The following MTR variants were observed in gnomAD, a reference collection of about 807,000 sequenced individuals.
The protein encoded by MTR is 5-methyltetrahydrofolate-homocysteine methyltransferase.
A neutral mutation model predicts 154.8 loss-of-function variants in MTR; 84 were observed. That is an observed-to-expected ratio of 0.54 (90% confidence interval 0.45 to 0.65). The LOEUF is 0.65. Ranked by LOEUF, MTR falls within the 30% of genes least tolerant of loss-of-function variation. MTR has a pLI of 0.00. For missense variants in MTR, 1,275 were observed against 1,570.2 expected (o/e 0.81, Z 3.18); for synonymous variants, 554 against 553.9 (o/e 1.00, Z 0.00).
At chr1:236,872,483 C>T (rs1056363017) in intron 22 of MTR, among the ~76,000 whole-genome samples, 8 of 152,276 alleles carry the variant, frequency 5.3e-5, no homozygotes, top group African/African-American at 1.9e-4. Context: ...CTTCCAAGTT[C>T]AACAGGTGTT....
At chr1:236,861,075 T>A (rs746025961) in intron 19 of MTR, 50 bp from the exon 20 acceptor site, 1 of 1,487,474 alleles carries the variant, frequency 6.7e-7, no homozygotes, top group South Asian at 1.3e-5. Context: ...TTAGGTGATT[T>A]TTTTTTTCTT....
intron 1 of MTR, among the ~76,000 whole-genome samples, chr1:236,796,104 T>C (rs979594521): frequency 3.3e-5 from 5 of 152,218 alleles, no homozygotes; most frequent in East Asian, 1.9e-4. Flanking sequence ...TTCGTAAATA[T>C]GTATTGCGCA....
At chr1:236,873,674 A>G in intron 22 of MTR, 99 bp from the exon 23 acceptor site, 1 of 972,988 alleles carries the variant, frequency 1.0e-6, no homozygotes, top group Non-Finnish European at 1.7e-6. Flanking sequence ...TCTCGTTTAC[A>G]TTAGAGCAGT....
intron 1 of MTR, among the ~76,000 whole-genome samples, chr1:236,798,033 G>A (rs191101528): frequency 6.6e-6 from 1 of 151,958 alleles, no homozygotes; most frequent in Admixed American, 6.6e-5. Flanking sequence ...AGAAATTAGA[G>A]ATCCAAAAAT....
intron 15 of MTR, among the ~76,000 whole-genome samples, chr1:236,845,958 A>G (rs570529533): frequency 9.9e-5 from 15 of 152,254 alleles, no homozygotes; most frequent in African/African-American, 2.9e-4. Flanking sequence ...ACTCCCTCAA[A>G]TGGGAAACTA....
intron 8 of MTR, among the ~76,000 whole-genome samples, chr1:236,820,702 CTG>C (rs536966411): frequency 1.4e-3 from 215 of 151,946 alleles, no homozygotes; most frequent in African/African-American, 4.7e-3. Context: ...TATGGTAAGA[CTG>C]TGTATCTTGT....
At position 236,795,744 on chromosome 1, in the gene MTR, C is replaced by G. The variant is rs1229492901; in HGVS notation, c.34+7C>G. 1.2e-6 allele frequency: 2 copies of G among 1,614,184 alleles called. No individual in the cohort carries two copies. The highest frequency in any genetic ancestry group is 1.7e-6 in the Non-Finnish European group (2 of 1,180,036). On this transcript the variant is annotated splice_region_variant and intron_variant, in intron 1 of 32. Coordinates refer to ENST00000366577, the MANE Select transcript of MTR (RefSeq NM_000254.3). ...CAAGACCTGTCGCAACCCGGTAACGCTGCGACCCCGTCTGCGTGGTTGGGT... is the reference window on the plus strand; with the variant it reads ...CAAGACCTGTCGCAACCCGGTAACGGTGCGACCCCGTCTGCGTGGTTGGGT...
At chr1:236,896,657 G>T (rs1490806661) in intron 31 of MTR, among the ~76,000 whole-genome samples, 1 of 152,164 alleles carries the variant, frequency 6.6e-6, no homozygotes, top group Non-Finnish European at 1.5e-5. Context: ...TTCAGTTGTT[G>T]TTCTCATCTC....
At chr1:236,811,882 C>A (rs1327831244) in intron 5 of MTR, among the ~76,000 whole-genome samples, 1 of 152,158 alleles carries the variant, frequency 6.6e-6, no homozygotes, top group East Asian at 1.9e-4. Flanking sequence ...TTTCTGAGAA[C>A]CTGTCAACGA....
chr1:236,895,288 G>A, intron 30 of MTR, 70 bp from the exon 31 acceptor site: 1 of 1,505,058 alleles, frequency 6.6e-7, no homozygotes, highest in Non-Finnish European at 9.1e-7. Context: ...CTAATTCAGG[G>A]GGTGGAGGCT....
In MTR at chr1:236,829,214, T is replaced by C; in HGVS notation, c.1021T>C (p.Cys341Arg). The change falls in exon 12 of 33, where the codon TGT becomes CGT. Residue 341 changes from cysteine (C) to arginine (R), a missense_variant. By Grantham distance (180) the Cys-to-Arg change is radical (BLOSUM62 -3). Coordinates refer to ENST00000366577, the MANE Select transcript of MTR (RefSeq NM_000254.3). The stretch of plus-strand genomic sequence containing the variant: ...GGAAATTGCTGAAGCTGTGAAAAAT[T>C]GTAAGCCTAGAGTTCCACCTGCCAC... ...IREIAEAVKN[C>R]KPRVPPATAF... The C allele has an allele frequency of 6.2e-7, 1 of 1,614,026 alleles. No individual in the cohort carries two copies. The highest frequency in any genetic ancestry group is 8.5e-7 in the Non-Finnish European group (1 of 1,179,928).
chr1:236,841,855 C>A (rs1215510039), intron 15 of MTR, among the ~76,000 whole-genome samples: 5 of 151,986 alleles, frequency 3.3e-5, no homozygotes. Context: ...CTTCTCATTC[C>A]CACTGGTATT....
At position 236,903,906 on chromosome 1, in the gene MTR, A is replaced by G. The variant is rs760034748; in HGVS notation, c.*6262A>G. 1 of 152,230 alleles carries G rather than the reference A, an allele frequency of 6.6e-6. No individual in the cohort carries two copies. The highest frequency in any genetic ancestry group is 6.5e-5 in the Admixed American group (1 of 15,288). The allele number at this position is 152,230 out of a possible 1,614,324, so 9.4% of individuals were successfully genotyped here. On this transcript the variant is annotated 3_prime_UTR_variant, in exon 33 of 33. Transcript: ENST00000366577. ...AAAAGAAAATGTATTTATTTTGTGC[A>G]TATTTTCAATAAAATATATAAAATC...
chr1:236,851,281 G>A (rs999800911), intron 16 of MTR, among the ~76,000 whole-genome samples: 5 of 152,190 alleles, frequency 3.3e-5, no homozygotes, highest in African/African-American at 1.2e-4. Context: ...CCTGTACACA[G>A]ATGTCCTTTT....
At chr1:236,883,726 T>C (rs1048882219) in intron 25 of MTR, among the ~76,000 whole-genome samples, 1 of 152,196 alleles carries the variant, frequency 6.6e-6, no homozygotes, top group African/African-American at 2.4e-5. Flanking sequence ...TTTCTGATTG[T>C]ATTCCTGAAT....
Position 236,835,607 on chromosome 1 carries a change from A to T in MTR, c.1249A>T (p.Met417Leu). ...GGGAGCCCAGGTGTTGGATGTCAAC[A>T]TGGATGATGGCATGCTAGATGGTCC... ...EMGAQVLDVN[M>L]DDGMLDGPSA... The change falls in exon 14 of 33, where the codon ATG (methionine) becomes TTG (leucine). Residue 417 changes from methionine (M) to leucine (L), a missense_variant. Coordinates refer to ENST00000366577, the MANE Select transcript of MTR (RefSeq NM_000254.3). The T allele has an allele frequency of 6.2e-7, 1 of 1,611,056 alleles. No homozygotes were observed. Among genetic ancestry groups the T allele is most frequent in the Non-Finnish European group, 8.5e-7 (1 of 1,179,490 alleles).
intron 13 of MTR, 76 bp downstream of exon 13, chr1:236,832,154 T>C (rs1662650705): frequency 8.7e-7 from 1 of 1,148,672 alleles, no homozygotes; most frequent in Non-Finnish European, 1.3e-6. Context: ...AACAGCTCTC[T>C]GCCTTTGATA....
In MTR at chr1:236,889,328, A is replaced by G. The variant is rs755595867; in HGVS notation, c.2999A>G (p.Lys1000Arg). Residue 1000 changes from lysine (K) to arginine (R), a missense_variant, in exon 28 of 33, where the codon AAA becomes AGA. Physicochemically the swap from Lys to Arg is conservative, Grantham distance 26 (BLOSUM62 2). Transcript: ENST00000366577. ...NRGFPKIFND[K>R]TVGGEARKVY... ...GGCTTTCCCAAGATATTTAACGACAAAACAGTAGGTTAGTGCAGTAAGTCC... is the reference window on the plus strand; with the variant it reads ...GGCTTTCCCAAGATATTTAACGACAGAACAGTAGGTTAGTGCAGTAAGTCC... 16 of 1,614,090 alleles carry G rather than the reference A, an allele frequency of 9.9e-6. No individual in the cohort carries two copies. The highest frequency in any genetic ancestry group is 1.4e-5 in the Non-Finnish European group (16 of 1,180,048).
Position 236,815,767 on chromosome 1 carries a change from A to G in MTR, c.669+104A>G, listed in dbSNP as rs916185465. 2.5e-5 allele frequency: 28 copies of G among 1,109,978 alleles called. No individual in the cohort carries two copies. The Admixed American group carries it at 4.9e-4, about 20-fold the overall frequency. The allele number at this position is 1,109,978 out of a possible 1,614,324, so 68.8% of individuals were successfully genotyped here. ...TAGTAGAACTATTAATGGTATCTTT[A>G]GAACTCATCTACTTTAACTTCCATT... On this transcript the variant is annotated intron_variant, in intron 7 of 32. Transcript: ENST00000366577.
Sources: gnomAD v4.1 joint callset for allele counts (sites outside exome capture counted in the v4.1 genomes callset) on GRCh38, gnomAD v4.1.1 for gene constraint, MANE v1.5 for transcripts, NCBI Gene and HGNC (gene_info 2026-07-23, HGNC 2026-07-21) for gene names.